GALNTL6: variants seen among roughly 807,000 people sequenced by gnomAD.
GALNTL6 encodes polypeptide N-acetylgalactosaminyltransferase like 6.
In GALNTL6, 46 loss-of-function variants were observed where a neutral mutation model predicts 73.7. That is an observed-to-expected ratio of 0.62 (90% confidence interval 0.49 to 0.80). The LOEUF (loss-of-function observed/expected upper bound fraction) is 0.80. Ranked by LOEUF, GALNTL6 falls within the 30% of genes least tolerant of loss-of-function variation. The pLI, the probability that GALNTL6 is intolerant of heterozygous loss-of-function variation, is 0.00. For synonymous variants in GALNTL6, 259 were observed against 263.7 expected, an observed-to-expected ratio of 0.98 and a Z score of 0.17; for missense variants, 604 against 755.0, an observed-to-expected ratio of 0.80 and a Z score of 2.34.
intron 2 of GALNTL6, among the ~76,000 whole-genome samples, chr4:172,138,488 TATATATATATATATATATATATATA>T (rs1235737092): frequency 3.2e-3 from 19 of 6,004 alleles, no homozygotes; most frequent in African/African-American, 6.5e-3. Context: ...TATATATATA[TATATATATATATATATATATATATA>T]TTTTTTTTTT....
intron 5 of GALNTL6, among the ~76,000 whole-genome samples, chr4:172,415,962 C>T (rs1730814514): frequency 6.6e-6 from 1 of 152,106 alleles, no homozygotes; most frequent in South Asian, 2.1e-4. Context: ...TGTCTGACTA[C>T]TGATTTCATT....
chr4:173,010,627 G>C (rs548193395), intron 11 of GALNTL6, among the ~76,000 whole-genome samples: 1 of 151,376 alleles, frequency 6.6e-6, no homozygotes, highest in East Asian at 1.9e-4. Context: ...ACGGAGTCTC[G>C]CTCTGTCACC....
chr4:172,038,117 C>A (rs368156424), intron 2 of GALNTL6, among the ~76,000 whole-genome samples: 2,964 of 146,062 alleles, frequency 0.02, 61 homozygotes, highest in Non-Finnish European at 0.032. Context: ...GACTCTGTCT[C>A]AAAAAAAAAA....
At position 172,677,575 on chromosome 4, in the gene GALNTL6, A is replaced by C. The variant is rs568597024; in HGVS notation, c.554-131786A>C. Among the ~76,000 whole-genome samples, 20 of 152,286 alleles carry C rather than the reference A, an allele frequency of 1.3e-4. No individual in the cohort carries two copies. In the South Asian group the frequency reaches 1.4e-3, roughly 11 times the overall value. ...AATGGTCACAGTCATGCACATAAAC[A>C]ATTGGTCCAGGAAGAGTAGAATAAA... On this transcript the variant is annotated intron_variant, in intron 5 of 12. Transcript: ENST00000506823.
At chr4:172,360,044 T>C (rs557630853) in intron 5 of GALNTL6, among the ~76,000 whole-genome samples, 14 of 152,346 alleles carry the variant, frequency 9.2e-5, no homozygotes, top group Admixed American at 5.2e-4. Context: ...CCTAATGGCA[T>C]GACTGCCCTG....
chr4:173,021,451 T>C, intron 11 of GALNTL6, 25 bp from the exon 12 acceptor site: 3 of 1,613,416 alleles, frequency 1.9e-6, no homozygotes, highest in Non-Finnish European at 1.7e-6. Context: ...TCACTGCAGC[T>C]TTTCTGCTAC....
intron 2 of GALNTL6, among the ~76,000 whole-genome samples, chr4:171,934,581 T>A (rs900753554): frequency 6.6e-6 from 1 of 151,866 alleles, no homozygotes; most frequent in African/African-American, 2.4e-5. Flanking sequence ...GCTTGGCTAA[T>A]TTTTTTGTAT....
At chr4:172,113,106 T>A in intron 2 of GALNTL6, among the ~76,000 whole-genome samples, 1 of 151,910 alleles carries the variant, frequency 6.6e-6, no homozygotes, top group Admixed American at 6.6e-5. Flanking sequence ...TCTTAGCATT[T>A]TTTAGAATGT....
intron 4 of GALNTL6, among the ~76,000 whole-genome samples, chr4:172,334,605 T>G (rs1741244223): frequency 6.6e-6 from 1 of 152,196 alleles, no homozygotes; most frequent in African/African-American, 2.4e-5. Context: ...AAGTCGCTTA[T>G]TAGTTCTAGG....
At chr4:172,385,028 G>T (rs866303814) in intron 5 of GALNTL6, among the ~76,000 whole-genome samples, 404 of 128,798 alleles carry the variant, frequency 3.1e-3, no homozygotes, top group African/African-American at 8.8e-3. Context: ...TTGTTTTTTT[G>T]TTTTTTTTTT....
chr4:172,626,421 TA>T (rs1739173911), intron 5 of GALNTL6, among the ~76,000 whole-genome samples: 1 of 152,118 alleles, frequency 6.6e-6, no homozygotes, highest in Non-Finnish European at 1.5e-5. Flanking sequence ...AGCCTTATAG[TA>T]TACTTGGAAG....
At chr4:172,647,636 T>C (rs931719565) in intron 5 of GALNTL6, among the ~76,000 whole-genome samples, 5 of 152,146 alleles carry the variant, frequency 3.3e-5, no homozygotes, top group African/African-American at 9.7e-5. Context: ...AGTTCTGCTA[T>C]TTAACTTTGC....
chr4:171,833,303 CA>C lies in GALNTL6; in HGVS notation c.138+18588del, dbSNP rs556841328. ...TTATTATAAATATTATTGCTGACAA[CA>C]AATGGTATCTGTGAATGCATTCTTG... is the stretch of plus-strand genomic sequence containing the variant. On this transcript the variant is annotated intron_variant, in intron 2 of 12. Coordinates refer to ENST00000506823, the MANE Select transcript of GALNTL6 (RefSeq NM_001034845.3). Among the ~76,000 whole-genome samples, 423 of 151,670 alleles carry C rather than the reference CA, an allele frequency of 2.8e-3. 4 individuals carry two copies. Among genetic ancestry groups the C allele is most frequent in the African/African-American group, 9.7e-3 (403 of 41,480 alleles).
At chr4:172,586,343 T>G (rs1579214678) in intron 5 of GALNTL6, among the ~76,000 whole-genome samples, 1 of 152,138 alleles carries the variant, frequency 6.6e-6, no homozygotes, top group Non-Finnish European at 1.5e-5. Flanking sequence ...CTGTAAAACC[T>G]ACAGAAGGGA....
chr4:172,000,168 GAAC>G (rs1740626826), intron 2 of GALNTL6, among the ~76,000 whole-genome samples: 1 of 152,030 alleles, frequency 6.6e-6, no homozygotes, highest in Non-Finnish European at 1.5e-5. Flanking sequence ...AAGAGCCATA[GAAC>G]AATAAAAGAA....
intron 5 of GALNTL6, among the ~76,000 whole-genome samples, chr4:172,783,913 A>G (rs1739509900): frequency 6.6e-6 from 1 of 152,144 alleles, no homozygotes; most frequent in Non-Finnish European, 1.5e-5. Flanking sequence ...TTAATTATGG[A>G]TGTACCACAG....
intron 3 of GALNTL6, among the ~76,000 whole-genome samples, chr4:172,242,051 A>G (rs995826970): frequency 6.6e-6 from 1 of 152,194 alleles, no homozygotes. Flanking sequence ...TACATTGAGT[A>G]TAATTATAGT....
At chr4:172,143,637 C>T (rs1733855523) in intron 2 of GALNTL6, among the ~76,000 whole-genome samples, 1 of 151,904 alleles carries the variant, frequency 6.6e-6, no homozygotes, top group African/African-American at 2.4e-5. Context: ...ATCTGCCTTC[C>T]CCAAATTTAA....
intron 5 of GALNTL6, among the ~76,000 whole-genome samples, chr4:172,650,149 T>C (rs1160891602): frequency 1.3e-5 from 2 of 152,126 alleles, no homozygotes; most frequent in Middle Eastern, 3.2e-3. Flanking sequence ...CAGGATCCTT[T>C]TGGGATGTCC....
Sources: allele counts gnomAD v4.1 joint callset (sites outside exome capture counted in the v4.1 genomes callset), GRCh38; gene constraint gnomAD v4.1.1; transcripts MANE v1.5; gene names NCBI Gene and HGNC (gene_info 2026-07-23, HGNC 2026-07-21).